The following NRXN3 variants were observed in gnomAD, a reference collection of about 807,000 sequenced individuals.
NRXN3 encodes the protein neurexin 3, also known as neurexin III.
Under a neutral mutation model 137.6 loss-of-function variants are expected in NRXN3, and 32 were observed. The ratio of observed to expected loss-of-function variants is 0.23; its 90% CI spans 0.18 to 0.31. The LOEUF (loss-of-function observed/expected upper bound fraction) is 0.31. Ranked by LOEUF, NRXN3 falls within the 10% of genes least tolerant of loss-of-function variation. The pLI, the probability that NRXN3 is intolerant of heterozygous loss-of-function variation, is 1.00. For synonymous variants in NRXN3, 798 were observed against 784.5 expected (o/e 1.02, Z -0.29); for missense variants, 1,574 against 2,062.5 (o/e 0.76, Z 4.59).
chr14:79,837,632 A>G (rs2099346906), intron 20 of NRXN3, among the ~76,000 whole-genome samples: 1 of 152,136 alleles, frequency 6.6e-6, no homozygotes, highest in South Asian at 2.1e-4. Flanking sequence ...TGCTTTACAA[A>G]GTTATTCTTT....
intron 19 of NRXN3, among the ~76,000 whole-genome samples, chr14:79,762,811 T>G (rs1192634871): frequency 6.6e-6 from 1 of 151,732 alleles, no homozygotes; most frequent in Admixed American, 6.5e-5. Context: ...GGCAAAGTGA[T>G]AGTATCATAC....
intron 15 of NRXN3, among the ~76,000 whole-genome samples, chr14:79,466,642 C>T (rs1407829506): frequency 6.6e-6 from 1 of 151,992 alleles, no homozygotes; most frequent in Admixed American, 6.5e-5. Flanking sequence ...TATAGCAACA[C>T]AATAGTGAAA....
At chr14:78,663,285 G>A (rs1475835490) in intron 6 of NRXN3, among the ~76,000 whole-genome samples, 1 of 152,168 alleles carries the variant, frequency 6.6e-6, no homozygotes, top group African/African-American at 2.4e-5. Flanking sequence ...TCTCACTACC[G>A]CTTAGAGTCT....
intron 20 of NRXN3, among the ~76,000 whole-genome samples, chr14:79,846,611 C>CT (rs937768806): frequency 6.6e-6 from 1 of 152,124 alleles, no homozygotes; most frequent in Admixed American, 6.6e-5. Context: ...TTAAATTAAT[C>CT]TTTTTTCCTT....
At chr14:78,353,452 AG>A (rs1567341793) in intron 4 of NRXN3, among the ~76,000 whole-genome samples, 1 of 152,104 alleles carries the variant, frequency 6.6e-6, no homozygotes. Context: ...ACATGGTGGA[AG>A]GGGCAAGGCA....
chr14:78,675,426 G>A (rs1160730012), intron 6 of NRXN3, among the ~76,000 whole-genome samples: 1 of 152,192 alleles, frequency 6.6e-6, no homozygotes, highest in Non-Finnish European at 1.5e-5. Context: ...GAAGCCAAGT[G>A]CATGGATCCA....
chr14:78,772,495 T>G (rs1370215698), intron 8 of NRXN3, among the ~76,000 whole-genome samples: 1 of 152,144 alleles, frequency 6.6e-6, no homozygotes, highest in Non-Finnish European at 1.5e-5. Flanking sequence ...CCAAAGGAAA[T>G]AATCCAACTA....
At chr14:78,816,991 C>G (rs2098935617) in intron 10 of NRXN3, among the ~76,000 whole-genome samples, 1 of 152,164 alleles carries the variant, frequency 6.6e-6, no homozygotes, top group Admixed American at 6.5e-5. Flanking sequence ...TAATAGCAAT[C>G]TGCTGTAGCA....
At position 78,926,861 on chromosome 14, in the gene NRXN3, A is replaced by AATATATATATAATATATAATATATTT. The variant is rs2099301679; in HGVS notation, c.2276-30369_2276-30344dup. Among the ~76,000 whole-genome samples the AATATATATATAATATATAATATATTT allele has an allele frequency of 3.5e-4, 7 of 20,182 alleles. 1 individual carries two copies. The highest frequency in any genetic ancestry group is 4.9e-4 in the Non-Finnish European group (7 of 14,410). The allele number at this position is 20,182 out of a possible 152,430, so 13.2% of individuals were successfully genotyped here. ...TAAATATATAATATATTATATATAT[A>AATATATATATAATATATAATATATTT]ATATATATATAATATATAATATATT... On this transcript the variant is annotated intron_variant, in intron 10 of 20. Transcript: ENST00000335750.
At chr14:79,377,169 T>G (rs929818209) in intron 15 of NRXN3, among the ~76,000 whole-genome samples, 2 of 152,318 alleles carry the variant, frequency 1.3e-5, no homozygotes, top group South Asian at 2.1e-4. Context: ...GGAACATATG[T>G]GAAAAAGTTA....
chr14:79,868,171 A>G lies in NRXN3; in HGVS notation c.*6207A>G, dbSNP rs1670580383. 6.6e-6 allele frequency: 1 copy of G among 152,188 alleles called. No individual in the cohort carries two copies. The highest frequency in any genetic ancestry group is 2.4e-5 in the African/African-American group (1 of 41,452). The allele number at this position is 152,188 out of a possible 1,614,324, so 9.4% of individuals were successfully genotyped here. Reference sequence around the variant, plus strand: ...GTGACAAATAATTATCCTTAAATAAATGTTGGTCGTTATTACAATTGGCTT... The same window carrying G: ...GTGACAAATAATTATCCTTAAATAAGTGTTGGTCGTTATTACAATTGGCTT... On this transcript the variant is annotated 3_prime_UTR_variant, in exon 21 of 21. Transcript: ENST00000335750.
intron 15 of NRXN3, among the ~76,000 whole-genome samples, chr14:79,109,469 C>T (rs1281370914): frequency 6.6e-6 from 1 of 152,084 alleles, no homozygotes; most frequent in Non-Finnish European, 1.5e-5. Context: ...AAAAACTTGG[C>T]AAGGAATAAC....
intron 10 of NRXN3, among the ~76,000 whole-genome samples, chr14:78,895,536 C>T (rs2099171005): frequency 6.6e-6 from 1 of 151,850 alleles, no homozygotes; most frequent in Admixed American, 6.6e-5. Flanking sequence ...AAGCAATAAG[C>T]TTGTTTAACT....
chr14:78,741,296 G>A (rs1237541811), intron 8 of NRXN3, among the ~76,000 whole-genome samples: 5 of 152,114 alleles, frequency 3.3e-5, no homozygotes, highest in Admixed American at 6.6e-5. Context: ...GTAACAACAC[G>A]TGGGGAGATA....
chr14:79,018,292 AAAAAG>A (rs1267322587), intron 15 of NRXN3, among the ~76,000 whole-genome samples: 204 of 18,758 alleles, frequency 0.011, 54 homozygotes, highest in Non-Finnish European at 0.035. Context: ...AAAAAAAAAA[AAAAAG>A]AGAGAGAGCA....
At chr14:79,214,093 A>G (rs958990176) in intron 15 of NRXN3, among the ~76,000 whole-genome samples, 5 of 152,138 alleles carry the variant, frequency 3.3e-5, no homozygotes, top group South Asian at 4.1e-4. Context: ...CATAATATCT[A>G]TTTTTCAGGA....
At chr14:78,711,482 C>T (rs1406317150) in intron 7 of NRXN3, among the ~76,000 whole-genome samples, 2 of 136,252 alleles carry the variant, frequency 1.5e-5, no homozygotes, top group Non-Finnish European at 3.0e-5. Flanking sequence ...TCTCTTGCTG[C>T]CCAGGCTGGA....
chr14:78,349,024 G>T (rs984005586), intron 4 of NRXN3, among the ~76,000 whole-genome samples: 1 of 152,228 alleles, frequency 6.6e-6, no homozygotes, highest in Non-Finnish European at 1.5e-5. Context: ...AAAATTGTTA[G>T]TGATCAGTTT....
chr14:79,413,345 C>T (rs2095446659), intron 15 of NRXN3, among the ~76,000 whole-genome samples: 1 of 152,102 alleles, frequency 6.6e-6, no homozygotes, highest in Non-Finnish European at 1.5e-5. Flanking sequence ...TTTAGAAGCA[C>T]CTCCTCCTTC....
Sources: allele counts gnomAD v4.1 joint callset (sites outside exome capture counted in the v4.1 genomes callset), GRCh38; gene constraint gnomAD v4.1.1; transcripts MANE v1.5; gene names NCBI Gene and HGNC (gene_info 2026-07-23, HGNC 2026-07-21).